LRRC7: variants seen among roughly 807,000 people sequenced by gnomAD.
LRRC7 encodes leucine-rich repeat-containing protein 7.
In LRRC7, 23 loss-of-function variants were observed where a neutral mutation model predicts 175.7. That is an observed-to-expected ratio of 0.13 (90% CI 0.09 to 0.19). The LOEUF is 0.19. Ranked by LOEUF, LRRC7 falls within the 10% of genes least tolerant of loss-of-function variation. The pLI, the probability that LRRC7 is intolerant of heterozygous loss-of-function variation, is 1.00. For missense variants in LRRC7, 1,354 were observed against 1,904.7 expected (o/e 0.71, Z 5.38); for synonymous variants, 685 against 680.9 (o/e 1.01, Z -0.09).
At chr1:70,013,471 C>T (rs1017066832) in intron 13 of LRRC7, among the ~76,000 whole-genome samples, 3 of 151,936 alleles carry the variant, frequency 2.0e-5, no homozygotes, top group Middle Eastern at 3.4e-3. Context: ...TGTGTTTTCA[C>T]GTCTATATTT....
chr1:70,103,283 A>G (rs1664924429), intron 25 of LRRC7, among the ~76,000 whole-genome samples: 1 of 152,140 alleles, frequency 6.6e-6, no homozygotes, highest in South Asian at 2.1e-4. Context: ...GTTACATTAC[A>G]TGGCAAACAG....
intron 2 of LRRC7, among the ~76,000 whole-genome samples, chr1:69,704,208 C>A (rs1340879846): frequency 6.6e-6 from 1 of 151,798 alleles, no homozygotes; most frequent in Non-Finnish European, 1.5e-5. Context: ...TCACTTAAAA[C>A]TGGTTTTTGT....
intron 23 of LRRC7, among the ~76,000 whole-genome samples, chr1:70,073,988 G>A (rs1303029531): frequency 1.3e-5 from 2 of 152,112 alleles, no homozygotes; most frequent in African/African-American, 4.8e-5. Flanking sequence ...ATCACTTAAG[G>A]TCAGGAGTTC....
At chr1:69,847,923 G>A (rs1252750395) in intron 7 of LRRC7, among the ~76,000 whole-genome samples, 1 of 152,120 alleles carries the variant, frequency 6.6e-6, no homozygotes, top group Non-Finnish European at 1.5e-5. Flanking sequence ...GTCATAGCTT[G>A]AAGTCAACAT....
intron 1 of LRRC7, among the ~76,000 whole-genome samples, chr1:69,576,405 T>C (rs537442302): frequency 1.6e-4 from 25 of 152,274 alleles, no homozygotes; most frequent in African/African-American, 5.1e-4. Flanking sequence ...TCTAGAAGCT[T>C]TGATTGCAGG....
intron 1 of LRRC7, among the ~76,000 whole-genome samples, chr1:69,574,871 ATTAAT>A (rs1381246770): frequency 2.6e-5 from 4 of 152,182 alleles, no homozygotes; most frequent in African/African-American, 9.6e-5. Context: ...ATCAAGTGTG[ATTAAT>A]TTATTAAGAC....
At chr1:69,985,522 A>G (rs1384087435) in intron 9 of LRRC7, among the ~76,000 whole-genome samples, 1 of 152,194 alleles carries the variant, frequency 6.6e-6, no homozygotes, top group East Asian at 1.9e-4. Context: ...TACCATATAC[A>G]GTTCCGTGGT....
intron 3 of LRRC7, among the ~76,000 whole-genome samples, chr1:69,784,010 C>T (rs559967267): frequency 8.6e-4 from 131 of 151,954 alleles, no homozygotes; most frequent in African/African-American, 2.9e-3. Context: ...AAGCCATGAA[C>T]AATAGAACAT....
At chr1:69,801,788 T>C (rs1227249808) in intron 4 of LRRC7, among the ~76,000 whole-genome samples, 1 of 151,320 alleles carries the variant, frequency 6.6e-6, no homozygotes, top group Non-Finnish European at 1.5e-5. Flanking sequence ...TCTAGTTTCT[T>C]GGGATGAGAC....
At chr1:70,112,013 T>C (rs1665558214) in intron 26 of LRRC7, among the ~76,000 whole-genome samples, 1 of 152,200 alleles carries the variant, frequency 6.6e-6, no homozygotes, top group Admixed American at 6.5e-5. Context: ...GGTTTTGGAA[T>C]TTGCAATCCA....
intron 18 of LRRC7, among the ~76,000 whole-genome samples, chr1:70,029,164 G>A (rs1174449897): frequency 2.0e-5 from 3 of 152,050 alleles, no homozygotes; most frequent in Non-Finnish European, 4.4e-5. Context: ...ATGTAACACT[G>A]TGCCAAACAC....
chr1:70,036,934 A>T (rs1459053292), intron 20 of LRRC7, among the ~76,000 whole-genome samples: 1 of 152,236 alleles, frequency 6.6e-6, no homozygotes, highest in Non-Finnish European at 1.5e-5. Context: ...ATGTTTTAAC[A>T]TACAAAATGG....
At chr1:69,661,901 T>C (rs1040052666) in intron 1 of LRRC7, among the ~76,000 whole-genome samples, 2 of 152,172 alleles carry the variant, frequency 1.3e-5, no homozygotes, top group Admixed American at 6.5e-5. Flanking sequence ...AGCATTACAT[T>C]CCCTCCACAC....
At chr1:69,960,344 T>G (rs1650926952) in intron 8 of LRRC7, among the ~76,000 whole-genome samples, 1 of 152,106 alleles carries the variant, frequency 6.6e-6, no homozygotes, top group Non-Finnish European at 1.5e-5. Flanking sequence ...CTTATAATTT[T>G]TTATTGTGCC....
chr1:70,114,552 A>G (rs1445744800), intron 26 of LRRC7, among the ~76,000 whole-genome samples: 1 of 152,042 alleles, frequency 6.6e-6, no homozygotes, highest in African/African-American at 2.4e-5. Flanking sequence ...GCCAGGCGTG[A>G]TGGCACACAT....
At chr1:69,690,052 T>G (rs1161489932) in intron 2 of LRRC7, among the ~76,000 whole-genome samples, 1 of 152,328 alleles carries the variant, frequency 6.6e-6, no homozygotes, top group South Asian at 2.1e-4. Context: ...TCATTCAAAC[T>G]TCAGGCAAAT....
chr1:70,053,277 C>T lies in LRRC7; in HGVS notation c.4230+132C>T, dbSNP rs148109360. 2.3e-5 allele frequency: 18 copies of T among 795,190 alleles called. No individual in the cohort carries two copies. In the Middle Eastern group the frequency reaches 7.5e-4, roughly 33 times the overall value. 49.3% of individuals were successfully genotyped at this position (795,190 alleles called of 1,614,324 possible). On this transcript the variant is annotated intron_variant, in intron 23 of 26. Transcript: ENST00000651989. ...TTAAGGTAAATATTATGCTACTACA[C>T]GAGTTTGGTTGACTGTAAGTACATT...
At chr1:69,639,020 G>GT (rs1442699932) in intron 1 of LRRC7, among the ~76,000 whole-genome samples, 1 of 151,720 alleles carries the variant, frequency 6.6e-6, no homozygotes, top group South Asian at 2.1e-4. Flanking sequence ...TAGTATCTAA[G>GT]TTTTTTAACT....
intron 1 of LRRC7, among the ~76,000 whole-genome samples, chr1:69,587,305 A>G (rs1191284166): frequency 6.6e-6 from 1 of 152,112 alleles, no homozygotes; most frequent in Non-Finnish European, 1.5e-5. Flanking sequence ...CATTGTACCC[A>G]CAACAGTTCC....
Sources: allele counts gnomAD v4.1 joint callset (sites outside exome capture counted in the v4.1 genomes callset), GRCh38; gene constraint gnomAD v4.1.1; transcripts MANE v1.5; gene names NCBI Gene and HGNC (gene_info 2026-07-23, HGNC 2026-07-21).